The following OR9Q1 variants were observed in gnomAD, a reference collection of about 807,000 sequenced individuals.
OR9Q1 encodes the protein olfactory receptor 9Q1.
For missense variants in OR9Q1, 374 were observed against 378.8 expected (o/e 0.99, Z 0.11); for synonymous variants, 153 against 148.6 (o/e 1.03, Z -0.22).
At chr11:58,032,798 A>T (rs938737291) in intron 1 of OR9Q1, among the ~76,000 whole-genome samples, 1 of 152,244 alleles carries the variant, frequency 6.6e-6, no homozygotes, top group African/African-American at 2.4e-5. Flanking sequence ...ACAGTAAAAT[A>T]AACTGTTGAC....
chr11:58,145,781 AT>A (rs1296214945), intron 2 of OR9Q1, among the ~76,000 whole-genome samples: 1 of 151,982 alleles, frequency 6.6e-6, no homozygotes, highest in Non-Finnish European at 1.5e-5. Flanking sequence ...AGCTATTCGG[AT>A]TTTTTTCTAT....
At chr11:58,035,631 A>G (rs1209191816) in intron 1 of OR9Q1, among the ~76,000 whole-genome samples, 4 of 152,124 alleles carry the variant, frequency 2.6e-5, no homozygotes, top group Admixed American at 6.5e-5. Flanking sequence ...GGAAAGACAT[A>G]TTTTCCTTAG....
chr11:58,066,560 C>T (rs574539642), intron 2 of OR9Q1, among the ~76,000 whole-genome samples: 2 of 152,276 alleles, frequency 1.3e-5, no homozygotes, highest in South Asian at 4.1e-4. Context: ...TTCTCCAGGT[C>T]TCCGAGACTT....
intron 2 of OR9Q1, among the ~76,000 whole-genome samples, chr11:58,143,166 T>C (rs148870097): frequency 1.3e-5 from 2 of 152,312 alleles, no homozygotes; most frequent in African/African-American, 4.8e-5. Flanking sequence ...ACTCATATTA[T>C]CTCAGAATTT....
intron 2 of OR9Q1, among the ~76,000 whole-genome samples, chr11:58,141,314 C>T (rs1371421497): frequency 1.3e-5 from 2 of 152,108 alleles, no homozygotes; most frequent in Admixed American, 6.6e-5. Context: ...AAAGGAAATG[C>T]TTCCAGTTTT....
intron 2 of OR9Q1, among the ~76,000 whole-genome samples, chr11:58,141,838 C>T (rs1281820507): frequency 6.6e-6 from 1 of 152,122 alleles, no homozygotes; most frequent in Admixed American, 6.6e-5. Flanking sequence ...TACCTTTGTG[C>T]TGGGTGATCT....
intron 2 of OR9Q1, among the ~76,000 whole-genome samples, chr11:58,083,546 G>A (rs1370013164): frequency 6.6e-6 from 1 of 151,690 alleles, no homozygotes; most frequent in East Asian, 1.9e-4. Flanking sequence ...CAAGGCCAGA[G>A]GGTATTTCCT....
chr11:58,130,073 C>T (rs1306710549), intron 2 of OR9Q1, among the ~76,000 whole-genome samples: 3 of 152,106 alleles, frequency 2.0e-5, no homozygotes, highest in Non-Finnish European at 4.4e-5. Context: ...TCCTAATGCT[C>T]TTCCTCGAGT....
intron 2 of OR9Q1, among the ~76,000 whole-genome samples, chr11:58,150,332 C>G (rs746635811): frequency 5.3e-5 from 8 of 152,322 alleles, no homozygotes; most frequent in Non-Finnish European, 1.2e-4. Flanking sequence ...TGGTAGCTCA[C>G]TCCTATAATC....
At chr11:58,139,688 G>A (rs1429269827) in intron 2 of OR9Q1, among the ~76,000 whole-genome samples, 3 of 151,960 alleles carry the variant, frequency 2.0e-5, no homozygotes, top group African/African-American at 7.3e-5. Flanking sequence ...TATCATTGTT[G>A]GACATTTGGG....
intron 2 of OR9Q1, among the ~76,000 whole-genome samples, chr11:58,140,347 A>G (rs1854234545): frequency 6.6e-6 from 1 of 152,174 alleles, no homozygotes; most frequent in African/African-American, 2.4e-5. Context: ...TGTTTCAGAC[A>G]TGAAGTCCTT....
At chr11:58,028,465 AG>A (rs1234076477) in intron 1 of OR9Q1, among the ~76,000 whole-genome samples, 1 of 152,220 alleles carries the variant, frequency 6.6e-6, no homozygotes, top group Non-Finnish European at 1.5e-5. Flanking sequence ...GCTTGATCCC[AG>A]AGCTGTTTGA....
At chr11:58,118,167 G>C (rs572089882) in intron 2 of OR9Q1, 5 of 185,408 alleles carry the variant, frequency 2.7e-5, no homozygotes, top group Non-Finnish European at 4.4e-5. Flanking sequence ...AGGATGGCAA[G>C]CCCAGGCATG....
chr11:58,107,855 G>A (rs1011455830), intron 2 of OR9Q1, among the ~76,000 whole-genome samples: 1 of 152,188 alleles, frequency 6.6e-6, no homozygotes, highest in Non-Finnish European at 1.5e-5. Flanking sequence ...GTCCTCAGGA[G>A]TTCACCATCT....
At chr11:58,142,529 C>T (rs544903638) in intron 2 of OR9Q1, among the ~76,000 whole-genome samples, 3 of 152,134 alleles carry the variant, frequency 2.0e-5, no homozygotes, top group African/African-American at 7.2e-5. Context: ...AAACTCCCCC[C>T]AGTTGCTGAA....
intron 2 of OR9Q1, among the ~76,000 whole-genome samples, chr11:58,170,223 T>G (rs1220283320): frequency 6.6e-6 from 1 of 152,068 alleles, no homozygotes; most frequent in African/African-American, 2.4e-5. Flanking sequence ...ACCCCCTCAC[T>G]CAGGTTTGGG....
chr11:58,032,423 T>C (rs929445183), intron 1 of OR9Q1, among the ~76,000 whole-genome samples: 1 of 152,092 alleles, frequency 6.6e-6, no homozygotes, highest in Non-Finnish European at 1.5e-5. Flanking sequence ...AACAGACACA[T>C]AGACCAATGG....
At chr11:58,089,992 A>G (rs1853668893) in intron 2 of OR9Q1, among the ~76,000 whole-genome samples, 1 of 152,052 alleles carries the variant, frequency 6.6e-6, no homozygotes, top group African/African-American at 2.4e-5. Context: ...TTGCACATTG[A>G]TTTTGTATCC....
intron 2 of OR9Q1, among the ~76,000 whole-genome samples, chr11:58,149,500 G>T (rs1389020537): frequency 1.3e-5 from 2 of 152,128 alleles, no homozygotes; most frequent in Non-Finnish European, 2.9e-5. Context: ...AACCATGTAA[G>T]TACACAGTTT....
Sources: allele counts gnomAD v4.1 joint callset (sites outside exome capture counted in the v4.1 genomes callset), GRCh38; gene constraint gnomAD v4.1.1; transcripts MANE v1.5; gene names NCBI Gene and HGNC (gene_info 2026-07-23, HGNC 2026-07-21).